The following TFAP2D variants were observed in gnomAD, a reference collection of about 807,000 sequenced individuals.
The protein encoded by TFAP2D is transcription factor AP-2-delta.
In TFAP2D, 9 loss-of-function variants were observed where a neutral mutation model predicts 43.6. The observed-to-expected ratio is 0.21, with a 90% confidence interval of 0.12 to 0.36. The LOEUF is 0.36. Ranked by LOEUF, TFAP2D falls within the 10% of genes least tolerant of loss-of-function variation. The probability of loss-of-function intolerance (pLI) is 1.00; values close to 1 mark genes in which losing one functional copy is unlikely to be tolerated. For missense variants in TFAP2D, 513 were observed against 561.4 expected, an observed-to-expected ratio of 0.91 and a Z score of 0.87; for synonymous variants, 256 against 224.9, an observed-to-expected ratio of 1.14 and a Z score of -1.24.
chr6:50,753,720 A>G (rs969134585), intron 7 of TFAP2D, among the ~76,000 whole-genome samples: 1 of 151,866 alleles, frequency 6.6e-6, no homozygotes. Context: ...AACACTATAT[A>G]TTTACTTACA....
intron 7 of TFAP2D, among the ~76,000 whole-genome samples, chr6:50,758,074 G>T (rs981049165): frequency 5.3e-5 from 8 of 151,328 alleles, no homozygotes; most frequent in Non-Finnish European, 1.2e-4. Context: ...TTGGACGATG[G>T]ACTAGGGAAG....
intron 1 of TFAP2D, 55 bp from the exon 2 acceptor site, chr6:50,715,061 C>A (rs1416855492): frequency 1.9e-6 from 3 of 1,572,622 alleles, no homozygotes; most frequent in Non-Finnish European, 2.6e-6. Flanking sequence ...GCCTTGGTTG[C>A]AAAATGACAA....
At chr6:50,745,872 C>T (rs1030186831) in intron 6 of TFAP2D, among the ~76,000 whole-genome samples, 9 of 151,628 alleles carry the variant, frequency 5.9e-5, no homozygotes, top group South Asian at 2.1e-4. Flanking sequence ...ATGAGGAAAA[C>T]GATGTAGACA....
intron 3 of TFAP2D, 95 bp from the exon 4 acceptor site, chr6:50,728,761 C>A: frequency 7.7e-7 from 1 of 1,298,022 alleles, no homozygotes; most frequent in Non-Finnish European, 1.1e-6. Flanking sequence ...AGCATGTATT[C>A]CCAAATCCAG....
At chr6:50,723,040 A>G (rs1459286950) in intron 3 of TFAP2D, among the ~76,000 whole-genome samples, 1 of 152,208 alleles carries the variant, frequency 6.6e-6, no homozygotes, top group African/African-American at 2.4e-5. Flanking sequence ...CTTTGAATCA[A>G]AACATTTTGG....
At chr6:50,714,293 G>A (rs1768577840) in intron 1 of TFAP2D, among the ~76,000 whole-genome samples, 199 bp downstream of exon 1, 1 of 151,988 alleles carries the variant, frequency 6.6e-6, no homozygotes, top group Admixed American at 6.6e-5. Context: ...TGTCGCCAGG[G>A]AGGGCAACTC....
intron 3 of TFAP2D, among the ~76,000 whole-genome samples, chr6:50,719,435 G>GA (rs1341923630): frequency 7.1e-6 from 1 of 140,252 alleles, no homozygotes; most frequent in Non-Finnish European, 1.5e-5. Context: ...AAAGACAAAA[G>GA]AAAAAGACAG....
chr6:50,743,315 A>G (rs1769079443), intron 5 of TFAP2D, among the ~76,000 whole-genome samples: 1 of 152,162 alleles, frequency 6.6e-6, no homozygotes, highest in African/African-American at 2.4e-5. Context: ...TAAGGCCTAG[A>G]ACAGGAGGTC....
intron 5 of TFAP2D, among the ~76,000 whole-genome samples, chr6:50,730,643 G>A (rs1268767313): frequency 6.6e-6 from 1 of 151,932 alleles, no homozygotes; most frequent in Non-Finnish European, 1.5e-5. Context: ...GATAATAGAG[G>A]GGATTCAAGA....
At chr6:50,745,959 G>A (rs979557494) in intron 6 of TFAP2D, among the ~76,000 whole-genome samples, 3 of 152,074 alleles carry the variant, frequency 2.0e-5, no homozygotes, top group Non-Finnish European at 4.4e-5. Context: ...AAAGTTCGTC[G>A]ATAATTAGTG....
chr6:50,745,714 C>T (rs1297240067), intron 6 of TFAP2D, among the ~76,000 whole-genome samples: 2 of 152,044 alleles, frequency 1.3e-5, no homozygotes, highest in Non-Finnish European at 2.9e-5. Flanking sequence ...CAAGGATCAC[C>T]ATGAGTGTCC....
chr6:50,748,603 A>G (rs1227088644), intron 6 of TFAP2D, among the ~76,000 whole-genome samples: 2 of 151,878 alleles, frequency 1.3e-5, no homozygotes, highest in African/African-American at 4.8e-5. Flanking sequence ...TTTGTTGATT[A>G]AATATTTTGT....
intron 2 of TFAP2D, 67 bp from the exon 3 acceptor site, chr6:50,719,023 C>G: frequency 6.7e-7 from 1 of 1,494,540 alleles, no homozygotes; most frequent in Non-Finnish European, 9.2e-7. Context: ...GTCTAAAAGA[C>G]TTTACCTACG....
Position 50,715,267 on chromosome 6 carries a change from A to C in TFAP2D, c.191A>C (p.His64Pro). The C allele has an allele frequency of 6.2e-7, 1 of 1,612,582 alleles. No homozygotes were observed. Among genetic ancestry groups the C allele is most frequent in the Non-Finnish European group, 8.5e-7 (1 of 1,179,590 alleles). The change falls in exon 2 of 8, where the codon CAC (histidine) becomes CCC (proline). Residue 64 changes from histidine (H) to proline (P), a missense_variant. Physicochemically the swap from His to Pro is moderately conservative, Grantham distance 77. Around this residue, in one of 3 missense-constraint regions of TFAP2D, gnomAD observed 311 missense variants for 316.2 expected, o/e 0.98. Transcript: ENST00000008391. ...GCGTCCCCCTACTTCTCCACTAACC[A>C]CCAGTACACCCCGCTCCACCACCAG... ...EFASPYFSTN[H>P]QYTPLHHQSF...
intron 7 of TFAP2D, among the ~76,000 whole-genome samples, chr6:50,751,810 A>AT (rs1412367682): frequency 6.6e-6 from 1 of 151,946 alleles, no homozygotes; most frequent in African/African-American, 2.4e-5. Context: ...GATTGACTGA[A>AT]TTTTTTAAAA....
At chr6:50,750,727 G>A (rs987087566) in intron 6 of TFAP2D, among the ~76,000 whole-genome samples, 1 of 151,902 alleles carries the variant, frequency 6.6e-6, no homozygotes, top group South Asian at 2.1e-4. Flanking sequence ...TCAAATATTA[G>A]CATATAAAGT....
At chr6:50,727,715 T>G (rs1941860350) in intron 3 of TFAP2D, among the ~76,000 whole-genome samples, 1 of 152,192 alleles carries the variant, frequency 6.6e-6, no homozygotes, top group Non-Finnish European at 1.5e-5. Flanking sequence ...AGATTGACCC[T>G]AGCTGAAGAA....
At chr6:50,718,812 C>T (rs1768668476) in intron 2 of TFAP2D, among the ~76,000 whole-genome samples, 1 of 152,184 alleles carries the variant, frequency 6.6e-6, no homozygotes, top group Non-Finnish European at 1.5e-5. Flanking sequence ...TTCTCATTCT[C>T]TTATGCCAAG....
chr6:50,772,860 A>T lies in TFAP2D; in HGVS notation c.1355A>T (p.Asp452Val). Residue 452 changes from aspartate to valine, a missense_variant, in exon 8 of 8, where the codon GAC becomes GTC. Asp to Val is a radical substitution (Grantham distance 152). Transcript: ENST00000008391. ...AAAGAGGGCAAAACAGAAAAGACAG[A>T]CTAGCTACATCAAACAGAATCTATT... ...AVKEGKTEKT[D>V] 6.2e-7 allele frequency: 1 copy of T among 1,611,694 alleles called. No homozygotes were observed. The highest frequency in any genetic ancestry group is 8.5e-7 in the Non-Finnish European group (1 of 1,178,768).
Sources: allele counts gnomAD v4.1 joint callset (sites outside exome capture counted in the v4.1 genomes callset), GRCh38; gene constraint gnomAD v4.1.1; regional missense constraint gnomAD v4.1.1; transcripts MANE v1.5; gene names NCBI Gene and HGNC (gene_info 2026-07-23, HGNC 2026-07-21).